SAMSN1: variants seen among roughly 807,000 people sequenced by gnomAD.
SAMSN1 encodes SAM domain-containing protein SAMSN-1.
SAMSN1 carries 31 observed loss-of-function variants against 42.0 expected under a neutral mutation model. The observed-to-expected ratio is 0.74, with a 90% CI of 0.55 to 1.00. The LOEUF is 1.00. SAMSN1 is among the 50% of genes least tolerant of loss of function. SAMSN1 has a pLI of 0.00. For synonymous variants in SAMSN1, 178 were observed against 151.9 expected (o/e 1.17, Z -1.26); for missense variants, 464 against 439.4 (o/e 1.06, Z -0.50).
intron 2 of SAMSN1, among the ~76,000 whole-genome samples, chr21:14,628,752 G>A (rs1015821309): frequency 6.6e-6 from 1 of 152,050 alleles, no homozygotes; most frequent in African/African-American, 2.4e-5. Flanking sequence ...AGAATGACAA[G>A]GATAAAATCC....
chr21:14,583,514 A>C (rs938483075), upstream of SAMSN1: 1 of 591,910 alleles, frequency 1.7e-6, no homozygotes, highest in East Asian at 2.9e-5. Context: ...GTCTGTTTTA[A>C]AATAACTTGG....
At chr21:14,602,177 C>T (rs1319110198) in intron 5 of SAMSN1, 2 of 432,518 alleles carry the variant, frequency 4.6e-6, no homozygotes, top group Non-Finnish European at 8.6e-6. Context: ...ATTTAACACT[C>T]ATGTTTTTAT....
intron 2 of SAMSN1, among the ~76,000 whole-genome samples, chr21:14,616,480 CA>C (rs926091364): frequency 6.6e-6 from 1 of 152,120 alleles, no homozygotes; most frequent in African/African-American, 2.4e-5. Context: ...AGTAGCCTAT[CA>C]CAATACCCTC....
chr21:14,601,983 G>A (rs750156723), intron 6 of SAMSN1: 27 of 651,910 alleles, frequency 4.1e-5, no homozygotes, highest in Non-Finnish European at 5.7e-5. Context: ...GTAACAAGAC[G>A]ATTTTCACAA....
rs553746812 is a variant in SAMSN1, at chr21:14,516,494, C to A, written c.279+398G>T. ...GGAACCCCCGCCTCCCGGGTTCAAG[C>A]GATTCTCCTTCCTCAGCCTCCTGAG... On this transcript the variant is annotated intron_variant, in intron 3 of 7. Coordinates refer to ENST00000400566, the MANE Select transcript of SAMSN1 (RefSeq NM_022136.5). 1.8e-4 allele frequency among the ~76,000 whole-genome samples: 28 copies of A among 152,208 alleles called. 1 individual carries two copies. In the South Asian group the frequency reaches 3.9e-3, roughly 21 times the overall value.
chr21:14,636,997 C>A (rs1377387602), intron 2 of SAMSN1, among the ~76,000 whole-genome samples: 1 of 152,176 alleles, frequency 6.6e-6, no homozygotes, highest in Non-Finnish European at 1.5e-5. Flanking sequence ...ATCTATACTT[C>A]CCTAAGTGAA....
intron 1 of SAMSN1, among the ~76,000 whole-genome samples, chr21:14,525,860 T>G (rs1159595665): frequency 2.6e-5 from 4 of 152,148 alleles, no homozygotes; most frequent in African/African-American, 9.7e-5. Flanking sequence ...TCTCATAACT[T>G]TATTTATTTA....
intron 7 of SAMSN1, chr21:14,593,636 C>T: frequency 6.3e-6 from 1 of 158,850 alleles, no homozygotes; most frequent in Non-Finnish European, 1.4e-5. Flanking sequence ...TTTCCAAGTT[C>T]TCTTTTTTAG....
At chr21:14,583,476 G>A (rs922690605), upstream of SAMSN1, 15 of 549,602 alleles carry the variant, frequency 2.7e-5, no homozygotes, top group African/African-American at 1.2e-4. Context: ...GCATAAATAC[G>A]GGGTAAAATT....
intron 5 of SAMSN1, among the ~76,000 whole-genome samples, chr21:14,501,294 A>G (rs1368032472): frequency 6.6e-6 from 1 of 152,262 alleles, no homozygotes; most frequent in East Asian, 1.9e-4. Context: ...AGTATAATTT[A>G]CAAAACACTT....
At chr21:14,561,498 A>G (rs1193413829) in intron 2 of SAMSN1, among the ~76,000 whole-genome samples, 2 of 152,208 alleles carry the variant, frequency 1.3e-5, no homozygotes, top group African/African-American at 4.8e-5. Context: ...ATAATTCCCT[A>G]CATCAAATGT....
upstream of SAMSN1, chr21:14,583,404 C>T (rs976253140): frequency 7.0e-6 from 3 of 427,826 alleles, no homozygotes; most frequent in Non-Finnish European, 8.4e-6. Context: ...TGAGCTTCCT[C>T]CATTGCTCTC....
intron 2 of SAMSN1, among the ~76,000 whole-genome samples, chr21:14,551,975 C>T (rs753254167): frequency 1.3e-5 from 2 of 151,986 alleles, no homozygotes; most frequent in African/African-American, 4.8e-5. Context: ...TTTGACTGTT[C>T]GGGTCAGGAA....
intron 6 of SAMSN1, among the ~76,000 whole-genome samples, chr21:14,596,124 C>T (rs1252414040): frequency 1.3e-5 from 2 of 152,052 alleles, no homozygotes; most frequent in East Asian, 3.8e-4. Context: ...TGAAAGTACA[C>T]ATCATTAATG....
intron 5 of SAMSN1, among the ~76,000 whole-genome samples, chr21:14,604,516 C>T (rs1418384644): frequency 2.0e-5 from 3 of 152,154 alleles, no homozygotes; most frequent in East Asian, 3.8e-4. Context: ...AGTTTCAGAT[C>T]AGCTTGGGCA....
intron 2 of SAMSN1, among the ~76,000 whole-genome samples, chr21:14,632,271 T>C (rs990282216): frequency 2.0e-5 from 3 of 152,082 alleles, no homozygotes; most frequent in Non-Finnish European, 4.4e-5. Flanking sequence ...AAACTTAGAG[T>C]ATGTGTTTTG....
chr21:14,637,815 C>A (rs1983503100), intron 2 of SAMSN1, among the ~76,000 whole-genome samples: 1 of 152,088 alleles, frequency 6.6e-6, no homozygotes, highest in South Asian at 2.1e-4. Flanking sequence ...TAAAGCTGTG[C>A]CTGGGGCCGG....
chr21:14,556,506 C>G (rs1300609696), intron 2 of SAMSN1, among the ~76,000 whole-genome samples: 1 of 152,106 alleles, frequency 6.6e-6, no homozygotes, highest in Non-Finnish European at 1.5e-5. Context: ...TGCGTGTGTT[C>G]ATACACATAC....
chr21:14,647,841 C>T (rs527789289), intron 1 of SAMSN1, among the ~76,000 whole-genome samples: 1 of 148,294 alleles, frequency 6.7e-6, no homozygotes. Context: ...GATTTTGTAT[C>T]CTGAGACTTT....
Sources: allele counts gnomAD v4.1 joint callset (sites outside exome capture counted in the v4.1 genomes callset), GRCh38; gene constraint gnomAD v4.1.1; transcripts MANE v1.5; gene names NCBI Gene and HGNC (gene_info 2026-07-23, HGNC 2026-07-21).